The following CLASP1 variants were observed in gnomAD, a reference collection of about 807,000 sequenced individuals.
CLASP1 encodes the protein CLIP-associating protein 1.
Under a neutral mutation model 192.3 loss-of-function variants are expected in CLASP1, and 38 were observed. The observed-to-expected ratio is 0.20, with a 90% CI of 0.15 to 0.26. The LOEUF is 0.26. Among genes scored for constraint, CLASP1 ranks in the 10% least tolerant of loss-of-function variants. The pLI, the probability that CLASP1 is intolerant of heterozygous loss-of-function variation, is 1.00. For synonymous variants in CLASP1, 691 were observed against 712.8 expected (o/e 0.97, Z 0.49); for missense variants, 1,433 against 1,932.5 (o/e 0.74, Z 4.85).
At chr2:121,406,252 C>T (rs542991848) in intron 25 of CLASP1, among the ~76,000 whole-genome samples, 120 of 152,198 alleles carry the variant, frequency 7.9e-4, no homozygotes, top group East Asian at 5.8e-4. Context: ...GTAATACACG[C>T]TTATTTTAGA....
At chr2:121,385,236 A>G (rs2072936745) in intron 32 of CLASP1, among the ~76,000 whole-genome samples, 1 of 152,248 alleles carries the variant, frequency 6.6e-6, no homozygotes, top group Non-Finnish European at 1.5e-5. Flanking sequence ...GTTGCGAGAA[A>G]AATCATTTCT....
chr2:121,605,582 G>A (rs1339159165), intron 2 of CLASP1, 119 bp downstream of exon 2: 14 of 675,978 alleles, frequency 2.1e-5, no homozygotes, highest in Non-Finnish European at 3.1e-5. Context: ...CTGATTGAGT[G>A]TCTTACTAGA....
intron 33 of CLASP1, among the ~76,000 whole-genome samples, chr2:121,378,988 T>C (rs943526213): frequency 2.1e-5 from 3 of 142,252 alleles, no homozygotes; most frequent in East Asian, 4.0e-4. Context: ...AAAAAAAAAG[T>C]TGGGGCAGAT....
intron 16 of CLASP1, among the ~76,000 whole-genome samples, chr2:121,450,386 A>G (rs569314356): frequency 6.6e-6 from 1 of 152,284 alleles, no homozygotes; most frequent in South Asian, 2.1e-4. Context: ...TGGCCACATA[A>G]TTGGAGGAAA....
At chr2:121,367,281 C>A (rs779363245) in intron 35 of CLASP1, among the ~76,000 whole-genome samples, 1 of 152,236 alleles carries the variant, frequency 6.6e-6, no homozygotes, top group Admixed American at 6.5e-5. Flanking sequence ...GGTTCTACAG[C>A]AAAACCTTCC....
At chr2:121,469,385 A>G (rs2090259368) in intron 9 of CLASP1, among the ~76,000 whole-genome samples, 1 of 152,172 alleles carries the variant, frequency 6.6e-6, no homozygotes, top group African/African-American at 2.4e-5. Context: ...TCTACAAAAT[A>G]TATTTTAAAG....
intron 30 of CLASP1, among the ~76,000 whole-genome samples, chr2:121,394,754 C>A (rs2074991380): frequency 6.6e-6 from 1 of 152,124 alleles, no homozygotes; most frequent in South Asian, 2.1e-4. Flanking sequence ...GTGGTATGTG[C>A]CTATAATCCC....
intron 6 of CLASP1, among the ~76,000 whole-genome samples, chr2:121,521,669 C>T (rs1169036842): frequency 3.9e-5 from 6 of 152,194 alleles, no homozygotes; most frequent in African/African-American, 1.4e-4. Flanking sequence ...GCATTCGGAC[C>T]ACCAAGGAAA....
chr2:121,519,831 CTAATA>C (rs1559500958), intron 6 of CLASP1, among the ~76,000 whole-genome samples: 2 of 152,278 alleles, frequency 1.3e-5, no homozygotes, highest in Non-Finnish European at 2.9e-5. Flanking sequence ...GTAGGACACT[CTAATA>C]GAGAAGAGGT....
intron 7 of CLASP1, among the ~76,000 whole-genome samples, chr2:121,510,665 G>A (rs1351546820): frequency 6.6e-6 from 1 of 151,892 alleles, no homozygotes; most frequent in Non-Finnish European, 1.5e-5. Flanking sequence ...GCGCATGGTA[G>A]CATGCGCCTG....
At chr2:121,613,340 C>T (rs2065915994) in intron 1 of CLASP1, among the ~76,000 whole-genome samples, 1 of 152,170 alleles carries the variant, frequency 6.6e-6, no homozygotes, top group African/African-American at 2.4e-5. Flanking sequence ...GACAATTGTC[C>T]TAGTCATGCT....
chr2:121,355,032 GA>G (rs1416352091), intron 37 of CLASP1, among the ~76,000 whole-genome samples: 4 of 152,094 alleles, frequency 2.6e-5, no homozygotes, highest in African/African-American at 9.7e-5. Context: ...GAGCTGCTGG[GA>G]AAAAAGGCTG....
At chr2:121,575,595 T>G (rs1010866872) in intron 2 of CLASP1, among the ~76,000 whole-genome samples, 5 of 152,236 alleles carry the variant, frequency 3.3e-5, no homozygotes, top group African/African-American at 4.8e-5. Context: ...GCAGGTAGTA[T>G]TATTTCTCTC....
At chr2:121,486,490 C>T (rs2092981698) in intron 8 of CLASP1, among the ~76,000 whole-genome samples, 2 of 152,128 alleles carry the variant, frequency 1.3e-5, no homozygotes, top group African/African-American at 4.8e-5. Flanking sequence ...GATCACAGTA[C>T]TTATTTTACC....
intron 21 of CLASP1, 140 bp from the exon 22 acceptor site, chr2:121,425,446 G>T: frequency 1.5e-6 from 1 of 681,104 alleles, no homozygotes; most frequent in Non-Finnish European, 2.3e-6. Context: ...TTTGGTGGTA[G>T]TAATTTTTTT....
At chr2:121,637,242 G>GT (rs2071051601) in intron 1 of CLASP1, among the ~76,000 whole-genome samples, 1 of 152,128 alleles carries the variant, frequency 6.6e-6, no homozygotes, top group Non-Finnish European at 1.5e-5. Context: ...CACATCTCCT[G>GT]TTTTGAGGGA....
At chr2:121,515,283 G>T (rs765862171) in intron 7 of CLASP1, among the ~76,000 whole-genome samples, 6 of 152,070 alleles carry the variant, frequency 3.9e-5, no homozygotes, top group Non-Finnish European at 7.4e-5. Context: ...AACACATTCT[G>T]GAATGGCTTC....
chr2:121,450,625 G>T (rs1342346483), intron 16 of CLASP1, among the ~76,000 whole-genome samples: 1 of 152,124 alleles, frequency 6.6e-6, no homozygotes, highest in East Asian at 1.9e-4. Flanking sequence ...ATGAGTAAAA[G>T]AATACATTGA....
chr2:121,382,321 C>A, exon 33 of CLASP1: 2 of 1,554,528 alleles, frequency 1.3e-6, no homozygotes, highest in Non-Finnish European at 1.7e-6. Flanking sequence ...AACCCCATAA[C>A]CGACTGCAGT....
Sources: gnomAD v4.1 joint callset for allele counts (sites outside exome capture counted in the v4.1 genomes callset) on GRCh38, gnomAD v4.1.1 for gene constraint, MANE v1.5 for transcripts, NCBI Gene and HGNC (gene_info 2026-07-23, HGNC 2026-07-21) for gene names.